GBF1: variants seen among roughly 807,000 people sequenced by gnomAD.
GBF1 encodes the protein Golgi-specific brefeldin A-resistance guanine nucleotide exchange factor 1.
A neutral mutation model predicts 210.5 loss-of-function variants in GBF1; 114 were observed. That is an observed-to-expected ratio of 0.54 (90% CI 0.47 to 0.63). The LOEUF (loss-of-function observed/expected upper bound fraction) is 0.63, where lower values mean the gene tolerates loss of function less well. Among genes scored for constraint, GBF1 ranks in the 30% least tolerant of loss-of-function variants. GBF1 has a pLI of 0.00. For synonymous variants in GBF1, 850 were observed against 889.2 expected, an observed-to-expected ratio of 0.96 and a Z score of 0.78; for missense variants, 1,851 against 2,357.7, an observed-to-expected ratio of 0.79 and a Z score of 4.45.
chr10:102,347,478 T>C (rs1589725062), intron 4 of GBF1, among the ~76,000 whole-genome samples: 1 of 150,002 alleles, frequency 6.7e-6, no homozygotes, highest in Non-Finnish European at 1.5e-5. Flanking sequence ...TGCTGTCTTG[T>C]TGGTGTTACT....
chr10:102,247,879 C>T (rs533433250), intron 1 of GBF1, among the ~76,000 whole-genome samples: 3 of 152,300 alleles, frequency 2.0e-5, no homozygotes, highest in Middle Eastern at 3.4e-3. Flanking sequence ...TAGCTGGGCA[C>T]CAATCCCAGT....
At chr10:102,317,696 T>C (rs1021247702) in intron 3 of GBF1, among the ~76,000 whole-genome samples, 3 of 152,318 alleles carry the variant, frequency 2.0e-5, no homozygotes, top group Admixed American at 6.5e-5. Flanking sequence ...TATTATTTTA[T>C]CTTTTTTTAG....
At position 102,366,334 on chromosome 10, in the gene GBF1, A is replaced by C; in HGVS notation, c.2310-49A>C. On this transcript the variant is annotated intron_variant, in intron 18 of 39. Transcript: ENST00000369983. This position sits in a 1 kb window ranked among gnomAD's most constrained non-coding sequence, Gnocchi z 4.0. ...AGGACAGTGACTAAAAGAGCCTGAC[A>C]TGTGCAGCTTACACATTTTCAGCCT... is the stretch of plus-strand genomic sequence containing the variant. 1 of 1,609,880 alleles carries C rather than the reference A, an allele frequency of 6.2e-7. No individual in the cohort carries two copies. Among genetic ancestry groups the C allele is most frequent in the Non-Finnish European group, 8.5e-7 (1 of 1,176,680 alleles).
rs996275118 is a variant in GBF1, at chr10:102,375,376, C to A, written c.3678C>A (p.Arg1226=). ...EISAQVLLSL[R]ILLLMKPSVL... The stretch of plus-strand genomic sequence containing the variant: ...CACTCCAGGTGCTGCTCTCCCTGCG[C>A]ATTTTGCTACTGATGAAGCCCAGTG... Residue 1226 remains arginine, a synonymous_variant, in exon 30 of 40, where the codon CGC becomes CGA. Coordinates refer to ENST00000369983, the MANE Select transcript of GBF1 (RefSeq NM_001377137.1). 2 of 1,611,682 alleles carry A rather than the reference C, an allele frequency of 1.2e-6. No homozygotes were observed. Among genetic ancestry groups the A allele is most frequent in the African/African-American group, 2.7e-5 (2 of 74,844 alleles).
chr10:102,252,065 C>T (rs1285083800), intron 1 of GBF1, among the ~76,000 whole-genome samples: 5 of 151,964 alleles, frequency 3.3e-5, no homozygotes, highest in East Asian at 1.9e-4. Context: ...AAGGGCTGGG[C>T]GCAGTGGCTC....
At chr10:102,378,699 T>C (rs2060657901) in intron 33 of GBF1, among the ~76,000 whole-genome samples, 1 of 152,112 alleles carries the variant, frequency 6.6e-6, no homozygotes, top group South Asian at 2.1e-4. Flanking sequence ...ATCCTAAAAC[T>C]TTGGGAGGAC....
At chr10:102,230,783 C>T in the GBF1 span, 1 of 1,544,004 alleles carries the variant, frequency 6.5e-7, no homozygotes, top group Non-Finnish European at 8.7e-7. Flanking sequence ...CCCTGCAGGG[C>T]CCCAGGCCCT....
At chr10:102,230,935 G>A in the GBF1 span, 1 of 1,609,532 alleles carries the variant, frequency 6.2e-7, no homozygotes, top group Non-Finnish European at 8.5e-7. Context: ...GGCGAGCGGC[G>A]GGGCAAGAGC....
chr10:102,315,787 G>T (rs2078879718), intron 3 of GBF1, among the ~76,000 whole-genome samples: 1 of 152,102 alleles, frequency 6.6e-6, no homozygotes, highest in Admixed American at 6.6e-5. Flanking sequence ...ATGGCCTTGG[G>T]GTTGGGGACC....
rs2059616411 is a variant in GBF1 at position 102,361,773 on chromosome 10, A to G, written c.1547A>G (p.Tyr516Cys). The G allele has an allele frequency of 1.9e-6, 3 of 1,613,528 alleles. No homozygotes were observed. The highest frequency in any genetic ancestry group is 1.7e-6 in the Non-Finnish European group (2 of 1,179,596). The part of the protein sequence containing the change: ...IITVENPKMP[Y>C]EMKEMALEAI... Reference sequence around the variant, plus strand: ...ACTGTGGAGAACCCCAAGATGCCTTATGAGATGAAGGAGATGGCACTGGAG... The same window carrying G: ...ACTGTGGAGAACCCCAAGATGCCTTGTGAGATGAAGGAGATGGCACTGGAG... Residue 516 changes from tyrosine to cysteine, a missense_variant, in exon 14 of 40, where the codon TAT becomes TGT. Physicochemically the swap from Tyr to Cys is radical, Grantham distance 194 (BLOSUM62 -2). Transcript: ENST00000369983.
At chr10:102,302,230 G>C (rs896912388) in intron 3 of GBF1, among the ~76,000 whole-genome samples, 1 of 152,036 alleles carries the variant, frequency 6.6e-6, no homozygotes, top group Non-Finnish European at 1.5e-5. Flanking sequence ...GTCCAGCTTC[G>C]GCTTGGCATC....
intron 1 of GBF1, among the ~76,000 whole-genome samples, chr10:102,256,269 T>C (rs1342138957): frequency 6.6e-6 from 1 of 152,088 alleles, no homozygotes; most frequent in African/African-American, 2.4e-5. Flanking sequence ...TGTACCAGTT[T>C]CTTTTTCCTT....
chr10:102,301,966 C>T (rs1471399821), intron 3 of GBF1, among the ~76,000 whole-genome samples: 1 of 152,260 alleles, frequency 6.6e-6, no homozygotes, highest in Non-Finnish European at 1.5e-5. Flanking sequence ...GCACTCCAGC[C>T]TGGGCAACAT....
In GBF1 at chr10:102,369,749, A is replaced by G; in HGVS notation, c.3189A>G (p.Leu1063=). The change falls in exon 25 of 40, where the codon CTA becomes CTG. Residue 1063 remains leucine (L), a synonymous_variant. Transcript: ENST00000369983. Reference sequence around the variant, plus strand: ...TGGATCCCAATGGCAAGATCTCTCTACAGCGGGAAGAGACACCATCAAACC... The same window carrying G: ...TGGATCCCAATGGCAAGATCTCTCTGCAGCGGGAAGAGACACCATCAAACC... The part of the protein sequence containing the change: ...DFVDPNGKIS[L]QREETPSNRG... 1 of 1,614,148 alleles carries G rather than the reference A, an allele frequency of 6.2e-7. No individual in the cohort carries two copies. The highest frequency in any genetic ancestry group is 8.5e-7 in the Non-Finnish European group (1 of 1,179,952).
At chr10:102,302,529 C>T (rs1332427989) in intron 3 of GBF1, among the ~76,000 whole-genome samples, 2 of 152,150 alleles carry the variant, frequency 1.3e-5, no homozygotes, top group African/African-American at 4.8e-5. Flanking sequence ...GCTACTGGCC[C>T]TTAGGCAAGG....
At chr10:102,267,455 G>C (rs570031951) in intron 3 of GBF1, among the ~76,000 whole-genome samples, 17 of 152,300 alleles carry the variant, frequency 1.1e-4, no homozygotes, top group African/African-American at 3.8e-4. Flanking sequence ...AGTGAGCTGA[G>C]ATCGTGCCAC....
At chr10:102,246,065 C>T (rs1039578036) in intron 1 of GBF1, among the ~76,000 whole-genome samples, 1 of 152,198 alleles carries the variant, frequency 6.6e-6, no homozygotes, top group Non-Finnish European at 1.5e-5. Flanking sequence ...TATTTAGCTT[C>T]TCCTTTCCAG....
chr10:102,354,891 G>A (rs1001568500), intron 8 of GBF1, among the ~76,000 whole-genome samples: 47 of 151,324 alleles, frequency 3.1e-4, no homozygotes, highest in African/African-American at 1.0e-3. Context: ...TGGAGGGAAA[G>A]GGTAGTCCAT....
intron 29 of GBF1, among the ~76,000 whole-genome samples, chr10:102,373,530 A>G (rs1565179394): frequency 6.6e-6 from 1 of 152,226 alleles, no homozygotes; most frequent in Non-Finnish European, 1.5e-5. Flanking sequence ...AGATCGTGCC[A>G]CTGCACTCCT....
Sources: gnomAD v4.1 joint callset for allele counts (sites outside exome capture counted in the v4.1 genomes callset) on GRCh38, gnomAD v4.1.1 for gene constraint, Gnocchi (gnomAD v3.1) non-coding constraint, MANE v1.5 for transcripts, NCBI Gene and HGNC (gene_info 2026-07-23, HGNC 2026-07-21) for gene names.